FOXP2: variants seen among roughly 807,000 people sequenced by gnomAD.
The protein encoded by FOXP2 is forkhead box P2, also known as forkhead box protein P2.
Under a neutral mutation model 115.8 loss-of-function variants are expected in FOXP2, and 12 were observed. The ratio of observed to expected loss-of-function variants is 0.10; its 90% CI spans 0.07 to 0.17. The LOEUF (loss-of-function observed/expected upper bound fraction) is 0.17, where lower values mean the gene tolerates loss of function less well. Among genes scored for constraint, FOXP2 ranks in the 10% least tolerant of loss-of-function variants. The probability of loss-of-function intolerance (pLI) is 1.00; values close to 1 mark genes in which losing one functional copy is unlikely to be tolerated. For synonymous variants in FOXP2, 328 were observed against 297.7 expected (o/e 1.10, Z -1.05); for missense variants, 629 against 843.5 (o/e 0.75, Z 3.15).
At chr7:114,514,550 C>G (rs1798235405) in intron 2 of FOXP2, among the ~76,000 whole-genome samples, 1 of 151,876 alleles carries the variant, frequency 6.6e-6, no homozygotes, top group Non-Finnish European at 1.5e-5. Flanking sequence ...ACATAATGTC[C>G]TCTAGCTTCA....
intron 2 of FOXP2, among the ~76,000 whole-genome samples, chr7:114,349,181 G>T (rs1003016017): frequency 2.0e-5 from 3 of 151,820 alleles, no homozygotes; most frequent in African/African-American, 7.3e-5. Flanking sequence ...GACATGAAAT[G>T]CAACTAAGAA....
In FOXP2 at chr7:114,550,395, C is replaced by T. The variant is rs189203299; in HGVS notation, c.258+15689C>T. Among the ~76,000 whole-genome samples, 119 of 152,204 alleles carry T rather than the reference C, an allele frequency of 7.8e-4. 1 individual carries two copies. Among genetic ancestry groups the T allele is most frequent in the Non-Finnish European group, 1.2e-3 (80 of 68,010 alleles). ...CCTCCCAAAGTGCTGGGATTACAGGCGTGAGCCACCGCACCCGGCCTCATC... is the reference window on the plus strand; with the variant it reads ...CCTCCCAAAGTGCTGGGATTACAGGTGTGAGCCACCGCACCCGGCCTCATC... On this transcript the variant is annotated intron_variant, in intron 3 of 16. Transcript: ENST00000350908.
At chr7:114,471,177 T>C (rs1028039675) in intron 2 of FOXP2, among the ~76,000 whole-genome samples, 3 of 152,202 alleles carry the variant, frequency 2.0e-5, no homozygotes, top group Non-Finnish European at 2.9e-5. Flanking sequence ...ACAATTTCAA[T>C]TATAGTGTAT....
At chr7:114,226,846 T>G (rs1417008197) in intron 1 of FOXP2, among the ~76,000 whole-genome samples, 1 of 152,152 alleles carries the variant, frequency 6.6e-6, no homozygotes, top group African/African-American at 2.4e-5. Context: ...ATCGTCTTTT[T>G]CAATATTGAT....
intron 2 of FOXP2, among the ~76,000 whole-genome samples, chr7:114,296,280 T>C (rs2129177426): frequency 6.6e-6 from 1 of 152,290 alleles, no homozygotes; most frequent in South Asian, 2.1e-4. Context: ...TCTCTTTTTG[T>C]GACACTTAAG....
intron 1 of FOXP2, among the ~76,000 whole-genome samples, chr7:114,111,857 G>A (rs1584485137): frequency 6.6e-6 from 1 of 151,936 alleles, no homozygotes; most frequent in East Asian, 1.9e-4. Flanking sequence ...TCTCATGGGA[G>A]CAACTCACCT....
At chr7:114,106,433 AG>A (rs1400408904) in intron 1 of FOXP2, among the ~76,000 whole-genome samples, 1 of 151,076 alleles carries the variant, frequency 6.6e-6, no homozygotes, top group Non-Finnish European at 1.5e-5. Flanking sequence ...CTAAAGTGCC[AG>A]GGTTTAGGAT....
At chr7:114,500,593 G>C (rs1256653258) in intron 2 of FOXP2, among the ~76,000 whole-genome samples, 1 of 152,030 alleles carries the variant, frequency 6.6e-6, no homozygotes, top group Non-Finnish European at 1.5e-5. Context: ...ACAGCATTAA[G>C]CATTCAGATT....
At chr7:114,455,090 A>G (rs556687321) in intron 2 of FOXP2, among the ~76,000 whole-genome samples, 50 of 152,184 alleles carry the variant, frequency 3.3e-4, no homozygotes, top group Non-Finnish European at 6.2e-4. Flanking sequence ...TTCTCATTCC[A>G]TAGTGTATCT....
chr7:114,141,157 G>T (rs1769374075), intron 1 of FOXP2, among the ~76,000 whole-genome samples: 1 of 152,112 alleles, frequency 6.6e-6, no homozygotes, highest in African/African-American at 2.4e-5. Flanking sequence ...TTACCAGTAA[G>T]CTAAGTCACT....
intron 2 of FOXP2, among the ~76,000 whole-genome samples, chr7:114,457,042 T>C (rs1457673649): frequency 6.6e-6 from 1 of 152,054 alleles, no homozygotes; most frequent in Non-Finnish European, 1.5e-5. Flanking sequence ...AGACAAAGGG[T>C]ACAAAGTTGC....
At chr7:114,626,972 T>G (rs1171924183) in intron 3 of FOXP2, among the ~76,000 whole-genome samples, 1 of 151,888 alleles carries the variant, frequency 6.6e-6, no homozygotes, top group Non-Finnish European at 1.5e-5. Context: ...TTAAAATCAC[T>G]GAATTTCTGT....
intron 1 of FOXP2, among the ~76,000 whole-genome samples, chr7:114,249,722 A>G (rs1336645774): frequency 6.6e-6 from 1 of 151,912 alleles, no homozygotes; most frequent in East Asian, 1.9e-4. Context: ...TCCTTTGTGT[A>G]TATACCCAGT....
chr7:114,154,785 A>G (rs1002730947), intron 1 of FOXP2, among the ~76,000 whole-genome samples: 2 of 152,154 alleles, frequency 1.3e-5, no homozygotes, highest in African/African-American at 4.8e-5. Flanking sequence ...CCAAAAGAAA[A>G]GACTGCTGGA....
intron 3 of FOXP2, among the ~76,000 whole-genome samples, chr7:114,566,186 T>G (rs1801009912): frequency 6.6e-6 from 1 of 152,182 alleles, no homozygotes; most frequent in Non-Finnish European, 1.5e-5. Context: ...TTGTTTTTGT[T>G]ATTGTTTTAA....
chr7:114,255,633 C>T (rs1005038338), intron 1 of FOXP2, among the ~76,000 whole-genome samples: 3 of 152,176 alleles, frequency 2.0e-5, no homozygotes, highest in African/African-American at 7.2e-5. Flanking sequence ...TTTGTTAAGA[C>T]CATTGGAAAA....
chr7:114,510,661 A>G (rs912501289), intron 2 of FOXP2, among the ~76,000 whole-genome samples: 3 of 152,228 alleles, frequency 2.0e-5, no homozygotes, highest in Non-Finnish European at 4.4e-5. Context: ...ATGAGATACC[A>G]TTTCATGCCA....
At chr7:114,294,458 T>C (rs1316610043) in intron 2 of FOXP2, among the ~76,000 whole-genome samples, 1 of 152,120 alleles carries the variant, frequency 6.6e-6, no homozygotes, top group East Asian at 1.9e-4. Flanking sequence ...CTTTGAAGCA[T>C]TGAGCTCACT....
intron 2 of FOXP2, among the ~76,000 whole-genome samples, chr7:114,520,572 A>G (rs1798574197): frequency 1.3e-5 from 2 of 152,266 alleles, no homozygotes; most frequent in South Asian, 4.1e-4. Context: ...AATAAATATT[A>G]GTTAAATGAA....
Sources: allele counts gnomAD v4.1 joint callset (sites outside exome capture counted in the v4.1 genomes callset), GRCh38; gene constraint gnomAD v4.1.1; transcripts MANE v1.5; gene names NCBI Gene and HGNC (gene_info 2026-07-23, HGNC 2026-07-21).